Variants in LMO7 observed in about 807,000 individuals in gnomAD.
LMO7 encodes the protein LIM domain only protein 7.
In LMO7, 120 loss-of-function variants were observed where a neutral mutation model predicts 206.5. The ratio of observed to expected loss-of-function variants is 0.58; its 90% confidence interval spans 0.50 to 0.68. The LOEUF is 0.68. Ranked by LOEUF, LMO7 falls within the 30% of genes least tolerant of loss-of-function variation. The pLI is 0.00. For synonymous variants in LMO7, 706 were observed against 681.5 expected (o/e 1.04, Z -0.56); for missense variants, 1,959 against 1,957.9 (o/e 1.00, Z -0.01).
At chr13:75,692,646 T>A (rs181410645) in intron 1 of LMO7, among the ~76,000 whole-genome samples, 1 of 152,154 alleles carries the variant, frequency 6.6e-6, no homozygotes, top group Non-Finnish European at 1.5e-5. Flanking sequence ...TTTTCCTAAT[T>A]ACTTTAGGAT....
At chr13:75,721,743 C>T (rs191173329) in intron 2 of LMO7, among the ~76,000 whole-genome samples, 5 of 152,072 alleles carry the variant, frequency 3.3e-5, no homozygotes, top group Non-Finnish European at 5.9e-5. Context: ...GCTGGTTCCA[C>T]ATTCTTGCAA....
intron 2 of LMO7, among the ~76,000 whole-genome samples, chr13:75,725,538 T>C (rs1247692180): frequency 2.0e-5 from 3 of 152,092 alleles, no homozygotes. Flanking sequence ...ACCTTGTTAA[T>C]AGGGAACAAC....
intron 1 of LMO7, among the ~76,000 whole-genome samples, chr13:75,644,252 G>C (rs1319484890): frequency 6.6e-6 from 1 of 152,062 alleles, no homozygotes; most frequent in African/African-American, 2.4e-5. Flanking sequence ...TCTTATAATG[G>C]ACTATTCTTA....
At chr13:75,838,733 A>C (rs1180442616) in intron 20 of LMO7, among the ~76,000 whole-genome samples, 1 of 152,160 alleles carries the variant, frequency 6.6e-6, no homozygotes, top group Non-Finnish European at 1.5e-5. Context: ...TTCAAAGTAA[A>C]TACATTTTGG....
chr13:75,646,208 A>G (rs2139071550), intron 1 of LMO7, among the ~76,000 whole-genome samples: 1 of 152,274 alleles, frequency 6.6e-6, no homozygotes, highest in South Asian at 2.1e-4. Context: ...ACATCATACC[A>G]CACATCCAAT....
chr13:75,698,897 C>T (rs538395441), intron 1 of LMO7, among the ~76,000 whole-genome samples: 4 of 152,096 alleles, frequency 2.6e-5, no homozygotes, highest in East Asian at 1.9e-4. Context: ...ACAGAATTGC[C>T]GAGCCATCAC....
chr13:75,724,149 A>T (rs1266212758), intron 2 of LMO7, among the ~76,000 whole-genome samples: 27 of 152,174 alleles, frequency 1.8e-4, no homozygotes, highest in Non-Finnish European at 5.9e-5. Flanking sequence ...TCCAACATTC[A>T]GATCCTAGCA....
chr13:75,640,665 G>A (rs1245084655), intron 1 of LMO7, among the ~76,000 whole-genome samples: 1 of 152,198 alleles, frequency 6.6e-6, no homozygotes, highest in Admixed American at 6.5e-5. Context: ...TATTGCTTGA[G>A]TGTTTGGCAT....
At chr13:75,661,915 T>G (rs1196952625) in intron 1 of LMO7, among the ~76,000 whole-genome samples, 2 of 152,238 alleles carry the variant, frequency 1.3e-5, no homozygotes, top group Admixed American at 1.3e-4. Context: ...TCTGCTTTTC[T>G]GTTGCTAGCA....
intron 1 of LMO7, among the ~76,000 whole-genome samples, chr13:75,677,308 A>G (rs1380859930): frequency 6.6e-6 from 1 of 152,224 alleles, no homozygotes; most frequent in Non-Finnish European, 1.5e-5. Context: ...AACCTTTGAC[A>G]TTTAATTCTT....
At chr13:75,779,687 G>A (rs1391518474) in intron 4 of LMO7, among the ~76,000 whole-genome samples, 2 of 152,108 alleles carry the variant, frequency 1.3e-5, no homozygotes, top group Non-Finnish European at 2.9e-5. Context: ...ATCAAATCAA[G>A]GATAGCTATG....
chr13:75,844,601 G>A (rs1483078441), intron 25 of LMO7, among the ~76,000 whole-genome samples: 1 of 151,708 alleles, frequency 6.6e-6, no homozygotes, highest in African/African-American at 2.4e-5. Flanking sequence ...TAGAGACGGG[G>A]TTTCACCATG....
intron 1 of LMO7, among the ~76,000 whole-genome samples, chr13:75,656,905 C>T (rs1172110203): frequency 6.6e-6 from 1 of 152,116 alleles, no homozygotes; most frequent in African/African-American, 2.4e-5. Flanking sequence ...CTCTGTGTCC[C>T]CACAAAAAGA....
chr13:75,752,845 TA>T (rs1268452296), intron 3 of LMO7, among the ~76,000 whole-genome samples: 1 of 152,252 alleles, frequency 6.6e-6, no homozygotes, highest in African/African-American at 2.4e-5. Context: ...GATGGACACT[TA>T]GGTTGATTCC....
intron 7 of LMO7, among the ~76,000 whole-genome samples, chr13:75,802,210 T>C (rs2054842150): frequency 6.6e-6 from 1 of 152,224 alleles, no homozygotes; most frequent in South Asian, 2.1e-4. Flanking sequence ...AGGCTTTATC[T>C]TTTAGAGTAG....
At chr13:75,661,066 A>G (rs765591858) in intron 1 of LMO7, among the ~76,000 whole-genome samples, 58 of 152,208 alleles carry the variant, frequency 3.8e-4, no homozygotes, top group Non-Finnish European at 7.6e-4. Context: ...TTTAATAATT[A>G]TCTCCAGCAG....
intron 3 of LMO7, among the ~76,000 whole-genome samples, chr13:75,745,029 CA>C (rs1424323941): frequency 6.6e-6 from 1 of 152,134 alleles, no homozygotes; most frequent in Non-Finnish European, 1.5e-5. Context: ...ACTGAAAAAA[CA>C]ATGTGAATAA....
intron 3 of LMO7, among the ~76,000 whole-genome samples, chr13:75,732,971 C>G (rs899712086): frequency 6.6e-6 from 1 of 152,150 alleles, no homozygotes; most frequent in African/African-American, 2.4e-5. Context: ...GCTGTCTGAT[C>G]GTTCCTCTGG....
chr13:75,694,760 C>T (rs1486759978), intron 1 of LMO7, among the ~76,000 whole-genome samples: 6 of 152,054 alleles, frequency 3.9e-5, no homozygotes, highest in Non-Finnish European at 7.3e-5. Flanking sequence ...AAGATAAGGG[C>T]ACTCCAGGGC....
Sources: allele counts gnomAD v4.1 joint callset (sites outside exome capture counted in the v4.1 genomes callset), GRCh38; gene constraint gnomAD v4.1.1; transcripts MANE v1.5; gene names NCBI Gene and HGNC (gene_info 2026-07-23, HGNC 2026-07-21).